SHROOM2: variants seen among roughly 807,000 people sequenced by gnomAD.
SHROOM2 encodes shroom family member 2, also known as protein Shroom2.
SHROOM2 carries 33 observed loss-of-function variants against 75.9 expected under a neutral mutation model. The ratio of observed to expected loss-of-function variants is 0.43; its 90% confidence interval spans 0.33 to 0.58. The LOEUF is 0.58. Ranked by LOEUF, SHROOM2 falls within the 20% of genes least tolerant of loss-of-function variation. The pLI, the probability that SHROOM2 is intolerant of heterozygous loss-of-function variation, is 0.04. For missense variants in SHROOM2, 1,434 were observed against 1,461.2 expected, an observed-to-expected ratio of 0.98 and a Z score of 0.30; for synonymous variants, 655 against 663.6, an observed-to-expected ratio of 0.99 and a Z score of 0.20.
chrX:9,885,278 G>A (rs1199023206), intron 2 of SHROOM2, among the ~76,000 whole-genome samples: 1 of 110,128 alleles, frequency 9.1e-6, no homozygotes, highest in Non-Finnish European at 1.9e-5. Context: ...ACAGCCTTCA[G>A]TCTACTCAAG....
At chrX:9,857,827 C>A (rs2084080820) in intron 1 of SHROOM2, among the ~76,000 whole-genome samples, 1 of 111,071 alleles carries the variant, frequency 9.0e-6, no homozygotes, top group South Asian at 3.8e-4. Flanking sequence ...CTGCTCATTT[C>A]CCCATGAGCA....
chrX:9,918,383 C>T (rs1280055231), intron 5 of SHROOM2, among the ~76,000 whole-genome samples: 2 of 112,544 alleles, frequency 1.8e-5, no homozygotes, highest in Non-Finnish European at 3.8e-5. Flanking sequence ...GGTAGTCCAA[C>T]GTCAAGGTGC....
chrX:9,937,711 G>C lies in SHROOM2; in HGVS notation c.4139+26G>C, dbSNP rs1455779156. On this transcript the variant is annotated intron_variant, in intron 7 of 9. Coordinates refer to ENST00000380913, the MANE Select transcript of SHROOM2 (RefSeq NM_001649.4). ...GTGAGTAGGCGTGGCCTCCCAGCTT[G>C]GGCGTGACTCTGCCTGGCATCTCTT... The C allele has an allele frequency of 7.2e-6, 8 of 1,103,527 alleles. No individual in the cohort carries two copies. In the Admixed American group the frequency reaches 2.1e-4, roughly 29 times the overall value. 90.9% of individuals were successfully genotyped at this position (1,103,527 alleles called of 1,213,427 possible).
chrX:9,898,262 C>T lies in SHROOM2; in HGVS notation c.2863C>T (p.Arg955Trp), dbSNP rs777124643. ...CAGAGAAGAGCTTCCCTCCGCAGTC[C>T]GGGCCGAGGAGGGACAGTCCACGCC... ...EPREELPSAVRAEEGQSTPRQ... is the reference protein window; with the variant it reads ...EPREELPSAVWAEEGQSTPRQ... Residue 955 changes from arginine (R) to tryptophan (W), a missense_variant, in exon 5 of 10, where the codon CGG (arginine) becomes TGG (tryptophan). Arg to Trp is a moderately radical substitution (Grantham distance 101). Around this residue, in one of 3 missense-constraint regions of SHROOM2, gnomAD observed 1,340 missense variants for 1,338.3 expected, o/e 1.00. Coordinates refer to ENST00000380913, the MANE Select transcript of SHROOM2 (RefSeq NM_001649.4). The T allele has an allele frequency of 1.0e-5, 12 of 1,180,877 alleles. No homozygotes were observed. The highest frequency in any genetic ancestry group is 2.3e-4 in the Middle Eastern group (1 of 4,333).
chrX:9,899,910 T>A (rs1055214525), intron 5 of SHROOM2, among the ~76,000 whole-genome samples: 1 of 112,062 alleles, frequency 8.9e-6, no homozygotes, highest in African/African-American at 3.2e-5. Flanking sequence ...CGGGCCTTGC[T>A]TTGCCCGATG....
Position 9,949,391 on chromosome X carries a change from A to G in SHROOM2, c.*2454A>G, listed in dbSNP as rs1161408972. 1 of 328,819 alleles carries G rather than the reference A, an allele frequency of 3.0e-6. No individual in the cohort carries two copies. The highest frequency in any genetic ancestry group is 2.7e-5 in the African/African-American group (1 of 37,395). The allele number at this position is 328,819 out of a possible 1,213,427, so 27.1% of individuals were successfully genotyped here. On this transcript the variant is annotated 3_prime_UTR_variant, in exon 10 of 10. Coordinates refer to ENST00000380913, the MANE Select transcript of SHROOM2 (RefSeq NM_001649.4). ...GCTCGACACTTACCACTCACCTATC[A>G]ACAGATCATCCTGCTTGACTGTAAC...
chrX:9,916,496 G>A (rs934014452), intron 5 of SHROOM2, among the ~76,000 whole-genome samples: 1 of 111,931 alleles, frequency 8.9e-6, no homozygotes, highest in Non-Finnish European at 1.9e-5. Context: ...GGAGTTGCTA[G>A]GCAGGCGCTA....
At chrX:9,849,451 T>C (rs2084026244) in intron 1 of SHROOM2, among the ~76,000 whole-genome samples, 1 of 111,864 alleles carries the variant, frequency 8.9e-6, no homozygotes, top group African/African-American at 3.3e-5. Context: ...AGCTTCCCTA[T>C]GGGGGTGCTG....
chrX:9,858,407 A>T, intron 1 of SHROOM2, among the ~76,000 whole-genome samples: 1 of 112,772 alleles, frequency 8.9e-6, no homozygotes, highest in African/African-American at 3.2e-5. Context: ...GTTGCCTATC[A>T]GTTCTTTCAG....
At chrX:9,801,302 G>A (rs2083723021) in intron 1 of SHROOM2, among the ~76,000 whole-genome samples, 2 of 112,164 alleles carry the variant, frequency 1.8e-5, no homozygotes, top group African/African-American at 3.2e-5. Flanking sequence ...AATTATGGGA[G>A]CTATAATTGA....
At chrX:9,797,275 C>T (rs1036908909) in intron 1 of SHROOM2, among the ~76,000 whole-genome samples, 2 of 112,385 alleles carry the variant, frequency 1.8e-5, no homozygotes, top group African/African-American at 6.5e-5. Context: ...ATGAAGATGG[C>T]CGCAGGGCAG....
chrX:9,888,152 C>T (rs2084270937), intron 2 of SHROOM2, among the ~76,000 whole-genome samples: 1 of 113,177 alleles, frequency 8.8e-6, no homozygotes, highest in African/African-American at 3.2e-5. Flanking sequence ...CTCCCTTCCC[C>T]CATGACAGGG....
At chrX:9,792,013 ATAG>A (rs763519488) in intron 1 of SHROOM2, among the ~76,000 whole-genome samples, 51 of 394 alleles carry the variant, frequency 0.13, 5 homozygotes, top group Non-Finnish European at 0.25. Context: ...ATAGAATAGA[ATAG>A]AATAGAATAG....
intron 2 of SHROOM2, among the ~76,000 whole-genome samples, chrX:9,877,564 T>C (rs1290756927): frequency 8.9e-6 from 1 of 111,747 alleles, no homozygotes; most frequent in Non-Finnish European, 1.9e-5. Flanking sequence ...GTCCAGTTTT[T>C]TTCCACTGCA....
intron 1 of SHROOM2, among the ~76,000 whole-genome samples, chrX:9,820,275 G>GT (rs2083846910): frequency 9.4e-6 from 1 of 106,826 alleles, no homozygotes; most frequent in Non-Finnish European, 1.9e-5. Context: ...TTCTGTAACT[G>GT]GGTCTTCAAC....
intron 6 of SHROOM2, among the ~76,000 whole-genome samples, chrX:9,934,300 A>G (rs2084678582): frequency 9.0e-6 from 1 of 111,633 alleles, no homozygotes; most frequent in Admixed American, 9.5e-5. Context: ...TCACTGCTCT[A>G]GAGTCTCAAG....
At chrX:9,937,111 T>C in intron 6 of SHROOM2, 23 bp from the exon 7 acceptor site, 1 of 1,166,241 alleles carries the variant, frequency 8.6e-7, no homozygotes, top group South Asian at 1.9e-5. Context: ...CTTTGCGATT[T>C]CAGCAGACTG....
At chrX:9,850,787 G>A (rs1432155055) in intron 1 of SHROOM2, among the ~76,000 whole-genome samples, 2 of 102,738 alleles carry the variant, frequency 1.9e-5, no homozygotes, top group African/African-American at 7.1e-5. Flanking sequence ...AGCCGAGATC[G>A]TGCCACTGCA....
chrX:9,842,849 G>T (rs757471537), intron 1 of SHROOM2, among the ~76,000 whole-genome samples: 12 of 111,489 alleles, frequency 1.1e-4, no homozygotes, highest in Non-Finnish European at 5.7e-5. Context: ...CTTGCTTGGG[G>T]TTGGGTGGGG....
Sources: allele counts gnomAD v4.1 joint callset (sites outside exome capture counted in the v4.1 genomes callset), GRCh38; gene constraint gnomAD v4.1.1; regional missense constraint gnomAD v4.1.1; transcripts MANE v1.5; gene names NCBI Gene and HGNC (gene_info 2026-07-23, HGNC 2026-07-21).